Variants in GABRB1 observed in about 807,000 individuals in gnomAD.
GABRB1 encodes gamma-aminobutyric acid receptor subunit beta-1.
A neutral mutation model predicts 51.6 loss-of-function variants in GABRB1; 17 were observed. The ratio of observed to expected loss-of-function variants is 0.33; its 90% CI spans 0.23 to 0.49. The LOEUF (loss-of-function observed/expected upper bound fraction) is 0.49. Ranked by LOEUF, GABRB1 falls within the 20% of genes least tolerant of loss-of-function variation. The pLI is 0.99. For missense variants in GABRB1, 410 were observed against 600.6 expected (o/e 0.68, Z 3.32); for synonymous variants, 247 against 218.9 (o/e 1.13, Z -1.14).
intron 5 of GABRB1, among the ~76,000 whole-genome samples, chr4:47,388,312 G>C (rs1348704125): frequency 1.3e-5 from 2 of 152,232 alleles, no homozygotes; most frequent in East Asian, 3.9e-4. Context: ...TAATAGACTA[G>C]GCAGTGTAAA....
chr4:47,274,226 T>G (rs1017835529), intron 4 of GABRB1, among the ~76,000 whole-genome samples: 1 of 152,140 alleles, frequency 6.6e-6, no homozygotes, highest in African/African-American at 2.4e-5. Flanking sequence ...ATAAAAACAA[T>G]ATCATCTAAT....
intron 5 of GABRB1, among the ~76,000 whole-genome samples, chr4:47,325,450 T>C (rs79400532): frequency 7.9e-6 from 1 of 126,266 alleles, no homozygotes; most frequent in African/African-American, 2.9e-5. Flanking sequence ...AAAAAAAAAA[T>C]CAAAGACTTC....
upstream of GABRB1, among the ~76,000 whole-genome samples, chr4:47,027,486 G>T (rs1056319986): frequency 2.6e-5 from 4 of 151,486 alleles, no homozygotes; most frequent in African/African-American, 9.7e-5. Context: ...AGTGAAAAAT[G>T]CATTTTCATA....
intron 3 of GABRB1, among the ~76,000 whole-genome samples, chr4:47,125,686 G>T (rs1716099363): frequency 6.9e-6 from 1 of 144,994 alleles, no homozygotes; most frequent in Non-Finnish European, 1.5e-5. Flanking sequence ...CTCCCAAGTA[G>T]CTGGGACTAC....
intron 1 of GABRB1, among the ~76,000 whole-genome samples, chr4:47,017,604 T>A (rs6814188): frequency 0.024 from 3,646 of 151,978 alleles, 135 homozygotes; most frequent in African/African-American, 0.084. Context: ...AGGAAAGTTA[T>A]GAAATCGAAT....
intron 3 of GABRB1, among the ~76,000 whole-genome samples, chr4:47,035,256 C>G (rs921875028): frequency 2.0e-5 from 3 of 151,918 alleles, no homozygotes; most frequent in African/African-American, 4.8e-5. Context: ...AACATCGTAT[C>G]AAGAGTATTA....
intron 3 of GABRB1, among the ~76,000 whole-genome samples, chr4:47,093,955 A>G (rs1714262238): frequency 6.6e-6 from 1 of 152,104 alleles, no homozygotes; most frequent in Admixed American, 6.5e-5. Context: ...CTACCTTAGT[A>G]GGAAGCTATT....
intron 4 of GABRB1, among the ~76,000 whole-genome samples, chr4:47,273,591 T>C (rs909353857): frequency 6.6e-5 from 10 of 152,110 alleles, no homozygotes; most frequent in African/African-American, 2.4e-4. Context: ...TCCCACTTGC[T>C]AGCTAGGCAA....
intron 7 of GABRB1, among the ~76,000 whole-genome samples, chr4:47,403,946 G>T (rs1728484491): frequency 6.6e-6 from 1 of 152,126 alleles, no homozygotes; most frequent in South Asian, 2.1e-4. Flanking sequence ...AATATATCTA[G>T]CACTACTTAA....
At chr4:47,065,585 A>G (rs956454424) in intron 3 of GABRB1, among the ~76,000 whole-genome samples, 2 of 152,278 alleles carry the variant, frequency 1.3e-5, no homozygotes, top group African/African-American at 4.8e-5. Context: ...ATGAATGGCA[A>G]TGTCTTGAAA....
intron 4 of GABRB1, among the ~76,000 whole-genome samples, chr4:47,266,441 T>G (rs1283160533): frequency 6.6e-6 from 1 of 152,150 alleles, no homozygotes; most frequent in Non-Finnish European, 1.5e-5. Context: ...TTTAGGATTG[T>G]TTTTTCTAAT....
intron 1 of GABRB1, among the ~76,000 whole-genome samples, chr4:47,021,316 C>T (rs1417279187): frequency 6.6e-6 from 1 of 152,030 alleles, no homozygotes; most frequent in South Asian, 2.1e-4. Flanking sequence ...AAGTAAGAGA[C>T]ATTAGTAAGT....
intron 4 of GABRB1, among the ~76,000 whole-genome samples, chr4:47,309,761 A>C (rs768086973): frequency 2.0e-5 from 3 of 152,040 alleles, no homozygotes; most frequent in Non-Finnish European, 4.4e-5. Context: ...TAATAATAAA[A>C]CTGTGATAAT....
intron 5 of GABRB1, among the ~76,000 whole-genome samples, chr4:47,393,401 T>C (rs1244104114): frequency 6.6e-6 from 1 of 152,154 alleles, no homozygotes; most frequent in Non-Finnish European, 1.5e-5. Context: ...GTGTGTATAG[T>C]GGAGTTTATA....
chr4:47,201,751 G>A lies in GABRB1; in HGVS notation c.461+40282G>A, dbSNP rs535817453. Among the ~76,000 whole-genome samples the A allele has an allele frequency of 3.9e-4, 59 of 152,174 alleles. 1 individual carries two copies. Among genetic ancestry groups the A allele is most frequent in the Admixed American group, 1.3e-4 (2 of 15,266 alleles). On this transcript the variant is annotated intron_variant, in intron 4 of 8. Transcript: ENST00000295454. The stretch of plus-strand genomic sequence containing the variant: ...AGTTGTGAAAAGCGAAGATAGTCTA[G>A]ATATAACCCTATTTATCATAGATCG...
At chr4:47,253,115 A>G (rs1002009708) in intron 4 of GABRB1, among the ~76,000 whole-genome samples, 4 of 152,204 alleles carry the variant, frequency 2.6e-5, no homozygotes, top group Non-Finnish European at 5.9e-5. Flanking sequence ...ACCTCTGGGA[A>G]GTAGAAACCC....
intron 5 of GABRB1, among the ~76,000 whole-genome samples, chr4:47,335,530 T>C (rs141429429): frequency 1.1e-4 from 16 of 152,256 alleles, no homozygotes; most frequent in Non-Finnish European, 1.9e-4. Flanking sequence ...AGCCTGATTC[T>C]GCTACATTTT....
chr4:47,416,601 G>A (rs1250209489), intron 8 of GABRB1, among the ~76,000 whole-genome samples: 3 of 151,754 alleles, frequency 2.0e-5, no homozygotes, highest in African/African-American at 4.8e-5. Flanking sequence ...ACAGGCGCCC[G>A]CCACCACACC....
chr4:47,163,993 G>A (rs1363179818), intron 4 of GABRB1, among the ~76,000 whole-genome samples: 3 of 152,028 alleles, frequency 2.0e-5, no homozygotes, highest in Non-Finnish European at 4.4e-5. Flanking sequence ...CATAGCAGAA[G>A]AGGAAGCAGG....
Sources: allele counts gnomAD v4.1 joint callset (sites outside exome capture counted in the v4.1 genomes callset), GRCh38; gene constraint gnomAD v4.1.1; transcripts MANE v1.5; gene names NCBI Gene and HGNC (gene_info 2026-07-23, HGNC 2026-07-21).